APCDD1: variants seen among roughly 807,000 people sequenced by gnomAD.
APCDD1 encodes the protein APC down-regulated 1, also known as protein APCDD1.
A neutral mutation model predicts 38.1 loss-of-function variants in APCDD1; 15 were observed. That is an observed-to-expected ratio of 0.39 (90% confidence interval 0.26 to 0.61). APCDD1 has a LOEUF of 0.61. Among genes scored for constraint, APCDD1 ranks in the 20% least tolerant of loss-of-function variants. APCDD1 has a pLI of 0.49. For missense variants in APCDD1, 647 were observed against 696.2 expected (o/e 0.93, Z 0.79); for synonymous variants, 261 against 279.7 (o/e 0.93, Z 0.67).
rs760287726 is a variant in APCDD1 at position 10,489,543 on chromosome 18, C to CA, written c.*1511dup. On this transcript the variant is annotated 3_prime_UTR_variant, in exon 5 of 5. Coordinates refer to ENST00000355285, the MANE Select transcript of APCDD1 (RefSeq NM_153000.5). The stretch of plus-strand genomic sequence containing the variant: ...TGAAATGCTGTCTCTACTAAAAATA[C>CA]AAAAAATTAGCCAGGCGTGGTGGTG... 3.3e-5 allele frequency: 5 copies of CA among 151,980 alleles called. No homozygotes were observed. The highest frequency in any genetic ancestry group is 5.9e-5 in the Non-Finnish European group (4 of 68,048). 9.4% of individuals were successfully genotyped at this position (151,980 alleles called of 1,614,324 possible). A position where few individuals can be genotyped will look rare whatever the true frequency, so the allele number is the denominator to read the frequency against.
chr18:10,480,629 G>A (rs2143554434), intron 3 of APCDD1, among the ~76,000 whole-genome samples: 1 of 152,252 alleles, frequency 6.6e-6, no homozygotes, highest in Non-Finnish European at 1.5e-5. Context: ...GGGAGGCTGA[G>A]GCAGGCAGAT....
At chr18:10,455,115 C>CGGGTCT in intron 1 of APCDD1, 76 bp downstream of exon 1, 2 of 1,538,202 alleles carry the variant, frequency 1.3e-6, no homozygotes, top group Non-Finnish European at 1.8e-6. Context: ...GCGGAGGCGT[C>CGGGTCT]GGGTCTGGAT....
chr18:10,465,389 T>C (rs565584593), intron 1 of APCDD1, among the ~76,000 whole-genome samples: 1 of 152,350 alleles, frequency 6.6e-6, no homozygotes, highest in Non-Finnish European at 1.5e-5. Flanking sequence ...TGAGTCAGCA[T>C]GCTTGGTTTT....
At position 10,455,053 on chromosome 18, in the gene APCDD1, G is replaced by T; in HGVS notation, c.58+14G>T. Reference sequence around the variant, plus strand: ...TCCTGCTTCACGGTGAGTTCCCGAGGGCCACTCGAGCGCTCCCAGCCGGCG... The same window carrying T: ...TCCTGCTTCACGGTGAGTTCCCGAGTGCCACTCGAGCGCTCCCAGCCGGCG... On this transcript the variant is annotated intron_variant, in intron 1 of 4. Coordinates refer to ENST00000355285, the MANE Select transcript of APCDD1 (RefSeq NM_153000.5). 1 of 1,559,920 alleles carries T rather than the reference G, an allele frequency of 6.4e-7. No homozygotes were observed. Among genetic ancestry groups the T allele is most frequent in the Non-Finnish European group, 8.7e-7 (1 of 1,152,384 alleles).
At chr18:10,458,713 T>G (rs2030447269) in intron 1 of APCDD1, among the ~76,000 whole-genome samples, 1 of 152,236 alleles carries the variant, frequency 6.6e-6, no homozygotes, top group African/African-American at 2.4e-5. Context: ...AGGGACAGAC[T>G]GATGACAATA....
In APCDD1 at chr18:10,488,659, T is replaced by C. The variant is rs2031307120; in HGVS notation, c.*621T>C. The C allele has an allele frequency of 6.6e-6, 1 of 152,334 alleles. No individual in the cohort carries two copies. Among genetic ancestry groups the C allele is most frequent in the South Asian group, 2.1e-4 (1 of 4,836 alleles). The allele number at this position is 152,334 out of a possible 1,614,324, so 9.4% of individuals were successfully genotyped here. A position where few individuals can be genotyped will look rare whatever the true frequency, so the allele number is the denominator to read the frequency against. The stretch of plus-strand genomic sequence containing the variant: ...AAGCTTTCATTTCAGAAATGTTGCG[T>C]GGAAAAGTATCTGTAATTAAAGTTT... On this transcript the variant is annotated 3_prime_UTR_variant, in exon 5 of 5. Transcript: ENST00000355285.
Position 10,469,621 on chromosome 18 carries a change from C to G in APCDD1, c.242+969C>G, listed in dbSNP as rs1437885691. ...TTTATAAGTAAATACACAAGAAGTACTATGAAAGTGGAGGGGTTGGGGCAG... is the reference window on the plus strand; with the variant it reads ...TTTATAAGTAAATACACAAGAAGTAGTATGAAAGTGGAGGGGTTGGGGCAG... On this transcript the variant is annotated intron_variant, in intron 2 of 4. Transcript: ENST00000355285. The surrounding 1 kb of genome is among the most constrained non-coding windows in gnomAD (Gnocchi z 5.5). 6.6e-6 allele frequency among the ~76,000 whole-genome samples: 1 copy of G among 152,090 alleles called. No individual in the cohort carries two copies. Among genetic ancestry groups the G allele is most frequent in the African/African-American group, 2.4e-5 (1 of 41,402 alleles).
rs368134493 is a variant in APCDD1, at chr18:10,471,819, G to A, written c.532G>A (p.Gly178Arg). The A allele has an allele frequency of 1.4e-5, 23 of 1,613,724 alleles. No individual in the cohort carries two copies. The highest frequency in any genetic ancestry group is 4.0e-5 in the African/African-American group (3 of 74,936). ...NRTCPGFLADGGPWVQDVAYD... is the reference protein window; with the variant it reads ...NRTCPGFLADRGPWVQDVAYD... ...CACATGCCCGGGCTTCCTCGCAGAC[G>A]GGGGTCCCTGGGTGCAGGACGTGGC... Residue 178 changes from glycine (G) to arginine (R), a missense_variant, in exon 3 of 5, where the codon GGG becomes AGG. Physicochemically the swap from Gly to Arg is moderately radical, Grantham distance 125. Coordinates refer to ENST00000355285, the MANE Select transcript of APCDD1 (RefSeq NM_153000.5). The surrounding 1 kb of genome is among the most constrained non-coding windows in gnomAD (Gnocchi z 5.5).
rs1020739261 is a variant in APCDD1 at position 10,485,315 on chromosome 18, C to T, written c.775-147C>T. 1.7e-5 allele frequency: 14 copies of T among 846,476 alleles called. No individual in the cohort carries two copies. Among genetic ancestry groups the T allele is most frequent in the African/African-American group, 6.6e-5 (4 of 60,514 alleles). 52.4% of individuals were successfully genotyped at this position (846,476 alleles called of 1,614,324 possible). A position where few individuals can be genotyped will look rare whatever the true frequency, so the allele number is the denominator to read the frequency against. On this transcript the variant is annotated intron_variant, in intron 3 of 4. Coordinates refer to ENST00000355285, the MANE Select transcript of APCDD1 (RefSeq NM_153000.5). This position sits in a 1 kb window ranked among gnomAD's most constrained non-coding sequence, Gnocchi z 5.8. ...CATCACTCTCACCTCTGTCTGTGCC[C>T]GGAGCATGATTCCAGTTGGTTCTTG...
chr18:10,482,265 G>A (rs577780539), intron 3 of APCDD1, among the ~76,000 whole-genome samples: 9 of 152,276 alleles, frequency 5.9e-5, no homozygotes, highest in African/African-American at 2.2e-4. Context: ...AAATGAAGGA[G>A]TTGCAACTGA....
chr18:10,480,353 C>G (rs1246281325), intron 3 of APCDD1, among the ~76,000 whole-genome samples: 2 of 152,178 alleles, frequency 1.3e-5, no homozygotes, highest in African/African-American at 4.8e-5. Flanking sequence ...AAAAGAGAAA[C>G]TTTAGAATGA....
At chr18:10,463,805 A>G (rs2030631964) in intron 1 of APCDD1, among the ~76,000 whole-genome samples, 1 of 152,222 alleles carries the variant, frequency 6.6e-6, no homozygotes. Flanking sequence ...TTGAAGGGAA[A>G]AGATAAAAAT....
chr18:10,488,722 C>G lies in APCDD1; in HGVS notation c.*684C>G, dbSNP rs1458432852. On this transcript the variant is annotated 3_prime_UTR_variant, in exon 5 of 5. Coordinates refer to ENST00000355285, the MANE Select transcript of APCDD1 (RefSeq NM_153000.5). ...ACCTATTTTTACATCATTTGTCTTA[C>G]CTTGTTGAGAGAGGAGACTGGCTTG... The G allele has an allele frequency of 6.6e-6, 1 of 152,230 alleles. No individual in the cohort carries two copies. The highest frequency in any genetic ancestry group is 1.5e-5 in the Non-Finnish European group (1 of 68,086). The allele number at this position is 152,230 out of a possible 1,614,324, so 9.4% of individuals were successfully genotyped here. A position where few individuals can be genotyped will look rare whatever the true frequency, so the allele number is the denominator to read the frequency against.
At position 10,468,318 on chromosome 18, in the gene APCDD1, A is replaced by G. The variant is rs3748418; in HGVS notation, c.59-151A>G. ...CACTTGCCACTTTGGAATGTGCATC[A>G]TACACGAGAGCACGCACTGTGATGA... On this transcript the variant is annotated intron_variant, in intron 1 of 4. Transcript: ENST00000355285. The G allele has an allele frequency of 0.15, 129,449 of 846,672 alleles. 11,132 individuals carry two copies. The highest frequency in any genetic ancestry group is 0.31 in the African/African-American group (18,476 of 60,540). 52.4% of individuals were successfully genotyped at this position (846,672 alleles called of 1,614,324 possible).
In APCDD1 at chr18:10,487,642, C is replaced by G; in HGVS notation, c.1149C>G (p.Asn383Lys). The G allele has an allele frequency of 6.2e-7, 1 of 1,614,196 alleles. No homozygotes were observed. The highest frequency in any genetic ancestry group is 8.5e-7 in the Non-Finnish European group (1 of 1,180,052). The change falls in exon 5 of 5, where the codon AAC becomes AAG. Residue 383 changes from asparagine (N) to lysine (K), a missense_variant. Transcript: ENST00000355285. ...ATGCGGCCACAGCCTCACTGCTCAA[C>G]GTCTTCAACGGGAATGAGTGCGGGG... ...PMDAATASLL[N>K]VFNGNECGAE...
In APCDD1 at chr18:10,467,220, T is replaced by G. The variant is rs956074785; in HGVS notation, c.59-1249T>G. Among the ~76,000 whole-genome samples the G allele has an allele frequency of 6.6e-6, 1 of 152,266 alleles. No homozygotes were observed. Among genetic ancestry groups the G allele is most frequent in the Non-Finnish European group, 1.5e-5 (1 of 68,044 alleles). ...GTCATGTTGCTGTAAGTGACTATATTCTGAATCTAACTTCTCATTTTCAAA... is the reference window on the plus strand; with the variant it reads ...GTCATGTTGCTGTAAGTGACTATATGCTGAATCTAACTTCTCATTTTCAAA... On this transcript the variant is annotated intron_variant, in intron 1 of 4. Transcript: ENST00000355285. This position sits in a 1 kb window ranked among gnomAD's most constrained non-coding sequence, Gnocchi z 4.8.
At chr18:10,483,150 G>A (rs932235139) in intron 3 of APCDD1, among the ~76,000 whole-genome samples, 28 of 152,328 alleles carry the variant, frequency 1.8e-4, no homozygotes, top group Middle Eastern at 3.4e-3. Context: ...GCTGTGAAGC[G>A]GCCGGGGCTG....
Position 10,471,803 on chromosome 18 carries a change from G to A in APCDD1, c.516G>A (p.Pro172=), listed in dbSNP as rs150698120. The A allele has an allele frequency of 6.8e-6, 11 of 1,613,514 alleles. No homozygotes were observed. Among genetic ancestry groups the A allele is most frequent in the East Asian group, 4.5e-5 (2 of 44,886 alleles). ...KLGQQVNRTC[P]GFLADGGPWV... ...GCCAGCAGGTGAACCGCACATGCCCGGGCTTCCTCGCAGACGGGGGTCCCT... is the reference window on the plus strand; with the variant it reads ...GCCAGCAGGTGAACCGCACATGCCCAGGCTTCCTCGCAGACGGGGGTCCCT... Residue 172 remains proline, a synonymous_variant, in exon 3 of 5, where the codon CCG becomes CCA. Transcript: ENST00000355285. The surrounding 1 kb of genome is among the most constrained non-coding windows in gnomAD (Gnocchi z 5.5).
chr18:10,470,213 A>C lies in APCDD1; in HGVS notation c.243-1317A>C, dbSNP rs1300122391. On this transcript the variant is annotated intron_variant, in intron 2 of 4. Transcript: ENST00000355285. This position sits in a 1 kb window ranked among gnomAD's most constrained non-coding sequence, Gnocchi z 4.1. ...TGTACGTGGCAGGCAGAATCAACAG[A>C]CTGTTGATGCTTAGATTAAAAAATT... Among the ~76,000 whole-genome samples the C allele has an allele frequency of 1.3e-5, 2 of 152,148 alleles. No homozygotes were observed. Among genetic ancestry groups the C allele is most frequent in the African/African-American group, 4.8e-5 (2 of 41,436 alleles).
Sources: allele counts gnomAD v4.1 joint callset (sites outside exome capture counted in the v4.1 genomes callset), GRCh38; gene constraint gnomAD v4.1.1; non-coding constraint Gnocchi (gnomAD v3.1); transcripts MANE v1.5; gene names NCBI Gene and HGNC (gene_info 2026-07-23, HGNC 2026-07-21).